Variants in MYH13 observed in about 807,000 individuals in gnomAD.
MYH13 encodes the protein myosin heavy chain 13, also known as myosin-13.
In MYH13, 177 loss-of-function variants were observed where a neutral mutation model predicts 232.1. The observed-to-expected ratio is 0.76, with a 90% confidence interval of 0.67 to 0.86. The LOEUF (loss-of-function observed/expected upper bound fraction) is 0.86, where lower values mean the gene tolerates loss of function less well. MYH13 is among the 40% of genes least tolerant of loss of function. MYH13 has a pLI of 0.00. For missense variants in MYH13, 2,246 were observed against 2,405.9 expected (o/e 0.93, Z 1.39); for synonymous variants, 884 against 923.5 (o/e 0.96, Z 0.78).
intron 7 of MYH13, among the ~76,000 whole-genome samples, chr17:10,358,583 C>T (rs2071767005): frequency 6.6e-6 from 1 of 151,916 alleles, no homozygotes; most frequent in Non-Finnish European, 1.5e-5. Flanking sequence ...GATAGTGAGA[C>T]TCCATCTCTA....
intron 2 of MYH13, among the ~76,000 whole-genome samples, chr17:10,369,654 C>T (rs1010645905): frequency 7.2e-5 from 11 of 152,082 alleles, no homozygotes; most frequent in African/African-American, 2.7e-4. Context: ...AAAAACAAGG[C>T]TTTTCCCTGT....
At chr17:10,368,772 G>C (rs1442179785) in intron 2 of MYH13, among the ~76,000 whole-genome samples, 1 of 152,132 alleles carries the variant, frequency 6.6e-6, no homozygotes, top group Admixed American at 6.6e-5. Context: ...TTTGAGAATG[G>C]CTGCCCTATT....
In MYH13 at chr17:10,326,821, C is replaced by CT. The variant is rs200587383; in HGVS notation, c.2691+1044dup. Among the ~76,000 whole-genome samples, 369 of 134,954 alleles carry CT rather than the reference C, an allele frequency of 2.7e-3. 10 individuals are homozygous for CT. The East Asian group carries it at 0.055, about 20-fold the overall frequency. The allele number at this position is 134,954 out of a possible 152,430, so 88.5% of individuals were successfully genotyped here. A position where few individuals can be genotyped will look rare whatever the true frequency, so the allele number is the denominator to read the frequency against. ...GATAAAACTATGTATCTTTAAAGCA[C>CT]TTTTTTTTTTTGAGATCGGGGTCTC... On this transcript the variant is annotated intron_variant, in intron 22 of 40. Transcript: ENST00000252172.
intron 24 of MYH13, among the ~76,000 whole-genome samples, chr17:10,320,800 C>G (rs1240149820): frequency 1.3e-5 from 2 of 152,246 alleles, no homozygotes; most frequent in East Asian, 1.9e-4. Flanking sequence ...TGGGTGCACA[C>G]TCTTGCACAG....
intron 7 of MYH13, among the ~76,000 whole-genome samples, chr17:10,359,627 C>A (rs1484965380): frequency 2.0e-5 from 3 of 152,204 alleles, no homozygotes; most frequent in Non-Finnish European, 4.4e-5. Context: ...GAGGCCCGGA[C>A]TGGTCCCTGG....
intron 11 of MYH13, among the ~76,000 whole-genome samples, chr17:10,353,617 C>A (rs1348825478): frequency 6.6e-6 from 1 of 152,108 alleles, no homozygotes; most frequent in Non-Finnish European, 1.5e-5. Flanking sequence ...GTAATCCCAG[C>A]ACTTTGGGAG....
chr17:10,327,827 A>G (rs747370890), intron 22 of MYH13, 39 bp downstream of exon 22: 3 of 1,594,538 alleles, frequency 1.9e-6, no homozygotes, highest in South Asian at 2.3e-5. Context: ...TCTGTCCTCC[A>G]GAGTCTGTGT....
At chr17:10,371,386 T>A (rs2071876830) in intron 1 of MYH13, 127 bp from the exon 2 acceptor site, 1 of 152,188 alleles carries the variant, frequency 6.6e-6, no homozygotes, top group South Asian at 2.1e-4. Flanking sequence ...GTAGATGGTG[T>A]GGAATGAAAT....
chr17:10,338,801 C>T (rs1017354504), intron 18 of MYH13, among the ~76,000 whole-genome samples: 10 of 150,758 alleles, frequency 6.6e-5, no homozygotes, highest in African/African-American at 9.7e-5. Flanking sequence ...CCCGGGTTCA[C>T]GCCATTCTCC....
chr17:10,307,877 T>G (rs562574206), intron 35 of MYH13, among the ~76,000 whole-genome samples: 33 of 152,320 alleles, frequency 2.2e-4, no homozygotes, highest in African/African-American at 7.0e-4. Context: ...AAAATTTAGT[T>G]ATGAGGAAGT....
chr17:10,305,116 TC>T (rs1045293872), intron 37 of MYH13, among the ~76,000 whole-genome samples: 1 of 152,204 alleles, frequency 6.6e-6, no homozygotes, highest in Non-Finnish European at 1.5e-5. Flanking sequence ...ACATTTGTTT[TC>T]CTGGGAATTC....
At position 10,303,243 on chromosome 17, in the gene MYH13, T is replaced by C. The variant is rs1906160493; in HGVS notation, c.5620A>G (p.Lys1874Glu). Residue 1874 changes from lysine to glutamate, a missense_variant, in exon 39 of 41, where the codon AAG (lysine) becomes GAG (glutamate). Lys to Glu is a moderately conservative substitution (Grantham distance 56, BLOSUM62 1). Coordinates refer to ENST00000252172, the MANE Select transcript of MYH13 (RefSeq NM_003802.3). ...NILRLQDLVD[K>E]LQAKVKSYKR... Reference sequence around the variant, plus strand: ...TAAGACTTCACTTTGGCCTGCAGCTTGTCCACCAGGTCCTGGAGCCTAAGG... The same window carrying C: ...TAAGACTTCACTTTGGCCTGCAGCTCGTCCACCAGGTCCTGGAGCCTAAGG... 2 of 1,613,624 alleles carry C rather than the reference T, an allele frequency of 1.2e-6. No homozygotes were observed. Among genetic ancestry groups the C allele is most frequent in the Non-Finnish European group, 1.7e-6 (2 of 1,179,826 alleles).
chr17:10,309,926 T>C (rs1249203607), intron 33 of MYH13, 96 bp from the exon 34 acceptor site: 2 of 1,072,804 alleles, frequency 1.9e-6, no homozygotes, highest in African/African-American at 3.3e-5. Context: ...TATGCGTTTT[T>C]TTAAAAAAAT....
chr17:10,370,123 C>T lies in MYH13; in HGVS notation c.-13+1086G>A, dbSNP rs146294578. Among the ~76,000 whole-genome samples the T allele has an allele frequency of 1.5e-3, 232 of 152,314 alleles. 2 individuals carry two copies. Among genetic ancestry groups the T allele is most frequent in the African/African-American group, 4.5e-3 (186 of 41,590 alleles). On this transcript the variant is annotated intron_variant, in intron 2 of 40. Coordinates refer to ENST00000252172, the MANE Select transcript of MYH13 (RefSeq NM_003802.3). ...GTGTGATATCCAAACCACATGTCAC[C>T]CTCCACTGGAGTGTGCCCTCACCTC...
At position 10,306,503 on chromosome 17, in the gene MYH13, C is replaced by T. The variant is rs746473894; in HGVS notation, c.5422G>A (p.Ala1808Thr). ...QHRLDEAEQLALKGGKKQIQK... is the reference protein window; with the variant it reads ...QHRLDEAEQLTLKGGKKQIQK... ...ATCTGCTTCTTCCCGCCCTTCAGCG[C>T]CAGTTGTTCAGCCTCATCTAGACGG... Residue 1808 changes from alanine to threonine, a missense_variant, in exon 37 of 41, where the codon GCG becomes ACG. Transcript: ENST00000252172. This position sits in a 1 kb window ranked among gnomAD's most constrained non-coding sequence, Gnocchi z 4.3. 6.2e-7 allele frequency: 1 copy of T among 1,614,144 alleles called. No homozygotes were observed. The highest frequency in any genetic ancestry group is 1.1e-5 in the South Asian group (1 of 91,072).
chr17:10,335,895 C>T (rs1338674874), intron 18 of MYH13, among the ~76,000 whole-genome samples: 2 of 152,162 alleles, frequency 1.3e-5, no homozygotes, highest in Non-Finnish European at 2.9e-5. Flanking sequence ...GGCATAGTTA[C>T]AAGAGAATTG....
intron 22 of MYH13, 131 bp downstream of exon 22, chr17:10,327,735 G>A: frequency 8.7e-7 from 1 of 1,149,532 alleles, no homozygotes; most frequent in Non-Finnish European, 1.2e-6. Context: ...AGGTGGTGCT[G>A]CAATACTCCA....
chr17:10,320,157 A>C lies in MYH13; in HGVS notation c.3344T>G (p.Leu1115Arg), dbSNP rs368451020. 13 of 1,581,924 alleles carry C rather than the reference A, an allele frequency of 8.2e-6. No individual in the cohort carries two copies. The African/African-American group carries it at 1.7e-4, about 21-fold the overall frequency. Residue 1115 changes from leucine to arginine, a missense_variant, in exon 26 of 41, where the codon CTG (leucine) becomes CGG (arginine). Coordinates refer to ENST00000252172, the MANE Select transcript of MYH13 (RefSeq NM_003802.3). ...SLQFQKKIKE[L>R]QARIEELEEE... Reference sequence around the variant, plus strand: ...GGAAGGTTTTGATGCTTTTACTTGCAGTTCTTTAATCTTCTTTTGAAACTG... The same window carrying C: ...GGAAGGTTTTGATGCTTTTACTTGCCGTTCTTTAATCTTCTTTTGAAACTG...
At position 10,303,441 on chromosome 17, in the gene MYH13, T is replaced by A; in HGVS notation, c.5524A>T (p.Lys1842Ter). 6.2e-7 allele frequency: 1 copy of A among 1,614,006 alleles called. No homozygotes were observed. Among genetic ancestry groups the A allele is most frequent in the Non-Finnish European group, 8.5e-7 (1 of 1,179,900 alleles). ...TTGCGTTCGTACTTGTGGGCTCCCT[T>A]CAGGGCTTCAGCTCCCCTCTTCTGT... ...VEQKRGAEAL[K>*]GAHKYERKVK... is the part of the protein sequence containing the mutation. The change falls in exon 38 of 41, where the codon AAG becomes TAG. Residue 1842 changes from lysine to a stop codon, truncating the protein, a stop_gained. Transcript: ENST00000252172. LOFTEE classifies it high-confidence loss of function.
Sources: allele counts gnomAD v4.1 joint callset (sites outside exome capture counted in the v4.1 genomes callset), GRCh38; gene constraint gnomAD v4.1.1; non-coding constraint Gnocchi (gnomAD v3.1); transcripts MANE v1.5; gene names NCBI Gene and HGNC (gene_info 2026-07-23, HGNC 2026-07-21).